Variants in LRP1B observed in about 807,000 individuals in gnomAD.
LRP1B encodes the protein low-density lipoprotein receptor-related protein 1B.
In LRP1B, 217 loss-of-function variants were observed where a neutral mutation model predicts 556.6. That is an observed-to-expected ratio of 0.39 (90% CI 0.35 to 0.44). LRP1B has a LOEUF of 0.44. Ranked by LOEUF, LRP1B falls within the 20% of genes least tolerant of loss-of-function variation. The probability of loss-of-function intolerance (pLI) is 1.00; values close to 1 mark genes in which losing one functional copy is unlikely to be tolerated. For missense variants in LRP1B, 5,053 were observed against 5,620.8 expected, an observed-to-expected ratio of 0.90 and a Z score of 3.23; for synonymous variants, 2,047 against 1,865.8, an observed-to-expected ratio of 1.10 and a Z score of -2.50.
At chr2:141,040,831 G>T (rs1698676422) in intron 11 of LRP1B, among the ~76,000 whole-genome samples, 1 of 152,028 alleles carries the variant, frequency 6.6e-6, no homozygotes, top group Non-Finnish European at 1.5e-5. Flanking sequence ...TGCCAAATAA[G>T]CAATCACATG....
At chr2:141,083,387 TAA>T (rs559929650) in intron 7 of LRP1B, among the ~76,000 whole-genome samples, 42 of 135,018 alleles carry the variant, frequency 3.1e-4, no homozygotes, top group Admixed American at 6.7e-4. Context: ...CAGGGATGAT[TAA>T]AAAAAAAAAA....
chr2:140,478,254 A>G (rs999654303), intron 59 of LRP1B, among the ~76,000 whole-genome samples: 13 of 143,468 alleles, frequency 9.1e-5, no homozygotes, highest in African/African-American at 3.4e-4. Flanking sequence ...GGTTCACGCC[A>G]TTCTCCTGCC....
intron 32 of LRP1B, among the ~76,000 whole-genome samples, chr2:140,800,722 T>A (rs1690478499): frequency 6.6e-6 from 1 of 152,166 alleles, no homozygotes; most frequent in Non-Finnish European, 1.5e-5. Flanking sequence ...AATTTTTGTT[T>A]TTGTTTTCCT....
At chr2:141,800,885 T>C (rs1574375255) in intron 2 of LRP1B, among the ~76,000 whole-genome samples, 2 of 152,222 alleles carry the variant, frequency 1.3e-5, no homozygotes, top group African/African-American at 2.4e-5. Context: ...GAATGGTTTC[T>C]AGTTTTTGTA....
intron 20 of LRP1B, 42 bp from the exon 21 acceptor site, chr2:140,923,189 A>G (rs2105259158): frequency 6.9e-7 from 1 of 1,451,006 alleles, no homozygotes; most frequent in East Asian, 2.3e-5. Context: ...GGGGGGCAAG[A>G]CAGGAGAGAA....
At chr2:141,205,039 G>C (rs1682211048) in intron 6 of LRP1B, among the ~76,000 whole-genome samples, 1 of 152,080 alleles carries the variant, frequency 6.6e-6, no homozygotes, top group Admixed American at 6.6e-5. Context: ...ATCTTAGATT[G>C]AAAATCACCT....
At chr2:140,791,775 T>C (rs1300317921) in intron 32 of LRP1B, among the ~76,000 whole-genome samples, 1 of 152,180 alleles carries the variant, frequency 6.6e-6, no homozygotes, top group Non-Finnish European at 1.5e-5. Flanking sequence ...GTATCAGACC[T>C]TCCAGGTCTC....
At chr2:142,094,480 T>G (rs2104956234) in intron 1 of LRP1B, among the ~76,000 whole-genome samples, 1 of 152,076 alleles carries the variant, frequency 6.6e-6, no homozygotes, top group Non-Finnish European at 1.5e-5. Context: ...TAGCGAAGGG[T>G]TCTTGTTACA....
chr2:142,114,849 G>T (rs918803289), intron 1 of LRP1B, among the ~76,000 whole-genome samples: 1 of 152,004 alleles, frequency 6.6e-6, no homozygotes, highest in South Asian at 2.1e-4. Context: ...GCACAATAGG[G>T]TGACTATAGT....
chr2:141,293,275 A>G (rs918829049), intron 3 of LRP1B, among the ~76,000 whole-genome samples: 2 of 152,200 alleles, frequency 1.3e-5, no homozygotes, highest in Non-Finnish European at 2.9e-5. Flanking sequence ...CAAATATCAT[A>G]CATAGCAATG....
chr2:141,944,803 T>G (rs1228025623), intron 1 of LRP1B, among the ~76,000 whole-genome samples: 1 of 152,130 alleles, frequency 6.6e-6, no homozygotes, highest in Non-Finnish European at 1.5e-5. Flanking sequence ...ATCTTTGTGG[T>G]TTTGAATTCT....
At chr2:141,985,327 G>A (rs1196019758) in intron 1 of LRP1B, among the ~76,000 whole-genome samples, 1 of 152,154 alleles carries the variant, frequency 6.6e-6, no homozygotes, top group African/African-American at 2.4e-5. Flanking sequence ...CTTCAAGGAT[G>A]CAAAGGAGCT....
chr2:140,631,637 A>G (rs2380868), intron 41 of LRP1B, among the ~76,000 whole-genome samples: 4,448 of 152,318 alleles, frequency 0.029, 100 homozygotes, highest in South Asian at 0.05. Context: ...ACAATAAAAA[A>G]CGAACAGAAC....
intron 2 of LRP1B, among the ~76,000 whole-genome samples, chr2:141,604,507 A>G (rs1459955847): frequency 1.3e-5 from 2 of 152,142 alleles, no homozygotes; most frequent in Non-Finnish European, 2.9e-5. Flanking sequence ...AAACCAAGCT[A>G]CAAGTCACAT....
chr2:141,893,235 T>G, intron 1 of LRP1B, among the ~76,000 whole-genome samples: 1 of 152,198 alleles, frequency 6.6e-6, no homozygotes, highest in East Asian at 1.9e-4. Context: ...AGTTTCACTC[T>G]TGTGGCCTAG....
chr2:141,776,029 G>C (rs932613368), intron 2 of LRP1B, among the ~76,000 whole-genome samples: 3 of 151,732 alleles, frequency 2.0e-5, no homozygotes, highest in Non-Finnish European at 2.9e-5. Context: ...TGTATTTTTA[G>C]TAGAGACGGG....
At chr2:141,866,362 A>G (rs1348950375) in intron 1 of LRP1B, among the ~76,000 whole-genome samples, 1 of 152,218 alleles carries the variant, frequency 6.6e-6, no homozygotes, top group Non-Finnish European at 1.5e-5. Context: ...AAAATGTTGT[A>G]ATGAATTTGT....
chr2:140,469,283 A>C (rs2105339691), intron 60 of LRP1B, among the ~76,000 whole-genome samples: 1 of 152,244 alleles, frequency 6.6e-6, no homozygotes, highest in Non-Finnish European at 1.5e-5. Context: ...AACTCAAAGG[A>C]GCTCACTAGC....
intron 1 of LRP1B, among the ~76,000 whole-genome samples, chr2:141,832,382 G>A (rs1017110453): frequency 1.3e-5 from 2 of 149,738 alleles, no homozygotes; most frequent in African/African-American, 4.9e-5. Context: ...TAAGTGAACA[G>A]AACAAATGAA....
Sources: allele counts gnomAD v4.1 joint callset (sites outside exome capture counted in the v4.1 genomes callset), GRCh38; gene constraint gnomAD v4.1.1; transcripts MANE v1.5; gene names NCBI Gene and HGNC (gene_info 2026-07-23, HGNC 2026-07-21).